The following CSMD1 variants were observed in gnomAD, a reference collection of about 807,000 sequenced individuals.
The protein encoded by CSMD1 is CUB and Sushi multiple domains 1.
CSMD1 carries 213 observed loss-of-function variants against 417.5 expected under a neutral mutation model. The ratio of observed to expected loss-of-function variants is 0.51; its 90% CI spans 0.46 to 0.57. The LOEUF (loss-of-function observed/expected upper bound fraction) is 0.57, where lower values mean the gene tolerates loss of function less well. Among genes scored for constraint, CSMD1 ranks in the 20% least tolerant of loss-of-function variants. CSMD1 has a pLI of 0.00. For synonymous variants in CSMD1, 2,862 were observed against 1,736.8 expected, an observed-to-expected ratio of 1.65 and a Z score of -16.11; for missense variants, 6,923 against 4,529.7, an observed-to-expected ratio of 1.53 and a Z score of -15.17.
At chr8:3,253,849 T>C (rs971389937) in intron 26 of CSMD1, among the ~76,000 whole-genome samples, 1 of 152,234 alleles carries the variant, frequency 6.6e-6, no homozygotes, top group African/African-American at 2.4e-5. Flanking sequence ...CTGTGTCTTT[T>C]AGTTGGAGCA....
chr8:3,197,829 C>T (rs949765460), intron 33 of CSMD1, among the ~76,000 whole-genome samples: 1 of 152,156 alleles, frequency 6.6e-6, no homozygotes, highest in Non-Finnish European at 1.5e-5. Context: ...TTTAACTTTT[C>T]ATGTGTATGC....
intron 10 of CSMD1, among the ~76,000 whole-genome samples, chr8:3,512,795 A>G (rs1797131414): frequency 6.6e-6 from 1 of 151,768 alleles, no homozygotes; most frequent in Admixed American, 6.6e-5. Context: ...TACTAGAGAC[A>G]GGGTTTCACC....
intron 2 of CSMD1, among the ~76,000 whole-genome samples, chr8:4,555,724 C>G (rs1281095734): frequency 6.6e-6 from 1 of 152,142 alleles, no homozygotes; most frequent in East Asian, 1.9e-4. Flanking sequence ...AGCCTGCACC[C>G]TTTCAGGGAA....
intron 6 of CSMD1, among the ~76,000 whole-genome samples, chr8:3,752,087 T>C (rs1685289529): frequency 6.6e-6 from 1 of 151,992 alleles, no homozygotes; most frequent in East Asian, 1.9e-4. Flanking sequence ...AGCCTGGGTG[T>C]GCACCCACCT....
intron 3 of CSMD1, among the ~76,000 whole-genome samples, chr8:4,360,902 G>T (rs1157189273): frequency 6.6e-6 from 1 of 152,174 alleles, no homozygotes; most frequent in Non-Finnish European, 1.5e-5. Flanking sequence ...CCTGAAAGTA[G>T]AATTAGGCTT....
At chr8:4,206,937 T>C (rs780190729) in intron 3 of CSMD1, among the ~76,000 whole-genome samples, 3 of 152,214 alleles carry the variant, frequency 2.0e-5, no homozygotes, top group Non-Finnish European at 4.4e-5. Flanking sequence ...CCCTCCTCTT[T>C]GAATGGATAA....
chr8:3,490,536 T>C (rs1818312954), intron 11 of CSMD1, among the ~76,000 whole-genome samples: 1 of 152,202 alleles, frequency 6.6e-6, no homozygotes, highest in African/African-American at 2.4e-5. Context: ...TACGTGTGGG[T>C]TACATTTTTC....
chr8:4,830,899 T>A (rs1800111912), intron 1 of CSMD1, among the ~76,000 whole-genome samples: 1 of 152,074 alleles, frequency 6.6e-6, no homozygotes. Context: ...TAGAATAGAG[T>A]CTAATGAACT....
intron 2 of CSMD1, among the ~76,000 whole-genome samples, chr8:4,636,413 T>C (rs1802813219): frequency 6.6e-6 from 1 of 152,204 alleles, no homozygotes; most frequent in Non-Finnish European, 1.5e-5. Context: ...ATTGTACCAT[T>C]ATTGTCTAAA....
At chr8:4,736,994 A>C (rs368283161) in intron 1 of CSMD1, among the ~76,000 whole-genome samples, 26 of 152,270 alleles carry the variant, frequency 1.7e-4, no homozygotes, top group African/African-American at 6.3e-4. Flanking sequence ...TTATAGCTTG[A>C]TTTTTGCATT....
At chr8:3,254,990 A>G (rs920546357) in intron 26 of CSMD1, among the ~76,000 whole-genome samples, 3 of 151,670 alleles carry the variant, frequency 2.0e-5, no homozygotes, top group Non-Finnish European at 2.9e-5. Context: ...TTTTTTCCCC[A>G]TCTTTGTGGT....
intron 2 of CSMD1, among the ~76,000 whole-genome samples, chr8:4,633,254 T>G (rs1193666153): frequency 6.6e-6 from 1 of 151,780 alleles, no homozygotes; most frequent in Non-Finnish European, 1.5e-5. Context: ...CGTTTGTTTC[T>G]TTGTTTTTTT....
intron 8 of CSMD1, among the ~76,000 whole-genome samples, chr8:3,594,650 C>G (rs1801009049): frequency 6.6e-6 from 1 of 152,202 alleles, no homozygotes; most frequent in African/African-American, 2.4e-5. Context: ...TCTGCCTCCA[C>G]CTCACCTCCC....
chr8:3,646,387 T>G (rs1797572771), intron 7 of CSMD1, among the ~76,000 whole-genome samples: 1 of 152,214 alleles, frequency 6.6e-6, no homozygotes, highest in Non-Finnish European at 1.5e-5. Flanking sequence ...ATGCATTGCT[T>G]TGTAATAAGA....
In CSMD1 at chr8:4,157,383, G is replaced by C. The variant is rs374757711; in HGVS notation, c.416-125284C>G. 5.3e-5 allele frequency among the ~76,000 whole-genome samples: 8 copies of C among 152,274 alleles called. No individual in the cohort carries two copies. In the South Asian group the frequency reaches 6.2e-4, roughly 12 times the overall value. On this transcript the variant is annotated intron_variant, in intron 3 of 69. Coordinates refer to ENST00000635120, the MANE Select transcript of CSMD1 (RefSeq NM_033225.6). Reference sequence around the variant, plus strand: ...TTGAAGAAAATGTTTATTCACGCCAGCTCAAAGGTTGAATTGAAAATTTTC... The same window carrying C: ...TTGAAGAAAATGTTTATTCACGCCACCTCAAAGGTTGAATTGAAAATTTTC...
At chr8:4,788,487 T>A (rs1797526080) in intron 1 of CSMD1, 3 of 1,332,496 alleles carry the variant, frequency 2.3e-6, no homozygotes, top group African/African-American at 2.9e-5. Context: ...ATATTTGGGG[T>A]AGACAACCAT....
intron 7 of CSMD1, among the ~76,000 whole-genome samples, chr8:3,654,747 G>A (rs12544055): frequency 0.032 from 4,869 of 152,276 alleles, 113 homozygotes; most frequent in Non-Finnish European, 0.052. Flanking sequence ...AGTGCTCCAG[G>A]GCTTGAGCTG....
At chr8:4,566,593 C>T (rs1386832639) in intron 2 of CSMD1, among the ~76,000 whole-genome samples, 1 of 132,446 alleles carries the variant, frequency 7.6e-6, no homozygotes, top group African/African-American at 2.9e-5. Flanking sequence ...GTGGAGCTTG[C>T]AGTGAGCTGA....
chr8:4,081,830 TA>T (rs58303674), intron 3 of CSMD1, among the ~76,000 whole-genome samples: 2 of 152,056 alleles, frequency 1.3e-5, no homozygotes, highest in African/African-American at 4.8e-5. Context: ...CAAATAAAGT[TA>T]AAAAAAGTTG....
Sources: gnomAD v4.1 joint callset for allele counts (sites outside exome capture counted in the v4.1 genomes callset) on GRCh38, gnomAD v4.1.1 for gene constraint, MANE v1.5 for transcripts, NCBI Gene and HGNC (gene_info 2026-07-23, HGNC 2026-07-21) for gene names.